Variants in PDE4D observed in about 807,000 individuals in gnomAD.
PDE4D encodes 3',5'-cyclic-AMP phosphodiesterase 4D.
Under a neutral mutation model 87.4 loss-of-function variants are expected in PDE4D, and 24 were observed. The ratio of observed to expected loss-of-function variants is 0.27; its 90% CI spans 0.20 to 0.39. The LOEUF (loss-of-function observed/expected upper bound fraction) is 0.39, where lower values mean the gene tolerates loss of function less well. Among genes scored for constraint, PDE4D ranks in the 10% least tolerant of loss-of-function variants. The pLI is 1.00. For missense variants in PDE4D, 714 were observed against 1,041.0 expected, an observed-to-expected ratio of 0.69 and a Z score of 4.32; for synonymous variants, 384 against 383.2, an observed-to-expected ratio of 1.00 and a Z score of -0.02.
chr5:59,406,972 C>G (rs1971061), intron 1 of PDE4D, among the ~76,000 whole-genome samples: 26,131 of 152,042 alleles, frequency 0.17, 3,043 homozygotes, highest in African/African-American at 0.32. Flanking sequence ...ACTTGGCTAT[C>G]TATTCATATT....
chr5:60,258,466 T>A (rs1159666942), intron 1 of PDE4D, among the ~76,000 whole-genome samples: 1 of 151,862 alleles, frequency 6.6e-6, no homozygotes. Flanking sequence ...GTAAAAAAAA[T>A]GTTCTTTGCT....
intron 2 of PDE4D, among the ~76,000 whole-genome samples, chr5:60,033,343 C>A (rs531635032): frequency 6.6e-6 from 1 of 151,968 alleles, no homozygotes; most frequent in African/African-American, 2.4e-5. Context: ...AAGTTTTGCA[C>A]GAGGATTTTC....
chr5:59,224,653 ATGAGGT>A (rs1753343331), intron 1 of PDE4D, among the ~76,000 whole-genome samples: 1 of 152,186 alleles, frequency 6.6e-6, no homozygotes, highest in African/African-American at 2.4e-5. Flanking sequence ...CAATGGTTAC[ATGAGGT>A]TGAGGTTGAG....
At chr5:59,277,286 C>CG (rs1765003340) in intron 1 of PDE4D, among the ~76,000 whole-genome samples, 1 of 152,144 alleles carries the variant, frequency 6.6e-6, no homozygotes, top group African/African-American at 2.4e-5. Context: ...AGGCCTCTTA[C>CG]GGTAAATGCC....
intron 2 of PDE4D, among the ~76,000 whole-genome samples, chr5:60,092,177 A>ACGT (rs1775212667): frequency 6.6e-6 from 1 of 152,090 alleles, no homozygotes. Context: ...AGAGTATATT[A>ACGT]CGTTAAGCGA....
rs189374782 is a variant in PDE4D at position 60,105,417 on chromosome 5, A to G, written c.42+80140T>C. On this transcript the variant is annotated intron_variant, in intron 2 of 16. Coordinates refer to the PDE4D transcript ENST00000502484. ...TACCTCAAAGTGATGGGGAGAATGG[A>G]ACCAAGTTGGAAAACACTCTGCAGG... is the stretch of plus-strand genomic sequence containing the variant. Among the ~76,000 whole-genome samples the G allele has an allele frequency of 6.3e-4, 96 of 152,354 alleles. 2 individuals carry two copies. The East Asian group carries it at 0.014, about 22-fold the overall frequency.
intron 3 of PDE4D, among the ~76,000 whole-genome samples, chr5:59,900,248 ATAT>A (rs769573600): frequency 4.0e-4 from 53 of 133,770 alleles, no homozygotes; most frequent in African/African-American, 1.2e-3. Flanking sequence ...TCAAAAAAAA[ATAT>A]ATATATATAT....
intron 1 of PDE4D, among the ~76,000 whole-genome samples, chr5:60,388,106 C>T (rs947681520): frequency 3.3e-5 from 5 of 152,098 alleles, no homozygotes; most frequent in Admixed American, 6.6e-5. Flanking sequence ...TGAGCTTCTG[C>T]GTCCTCCGTA....
chr5:58,971,245 T>C lies in PDE4D; in HGVS notation c.*3419A>G, dbSNP rs1265815935. ...CTGCAGCTATGTTTTTTTAAATTTA[T>C]ATATCTTTAAGTATTTTATAGTTTT... On this transcript the variant is annotated 3_prime_UTR_variant, in exon 15 of 15. Transcript: ENST00000340635. 1 of 152,502 alleles carries C rather than the reference T, an allele frequency of 6.6e-6. No individual in the cohort carries two copies. Among genetic ancestry groups the C allele is most frequent in the Non-Finnish European group, 1.5e-5 (1 of 68,044 alleles). The allele number at this position is 152,502 out of a possible 1,614,324, so 9.4% of individuals were successfully genotyped here. A position where few individuals can be genotyped will look rare whatever the true frequency, so the allele number is the denominator to read the frequency against.
chr5:58,988,947 T>C (rs1474299855), intron 10 of PDE4D, among the ~76,000 whole-genome samples: 1 of 152,168 alleles, frequency 6.6e-6, no homozygotes, highest in Non-Finnish European at 1.5e-5. Flanking sequence ...TAGTAAGACA[T>C]TAGCAATTAT....
At chr5:59,243,974 G>A (rs1402706098) in intron 1 of PDE4D, among the ~76,000 whole-genome samples, 1 of 151,982 alleles carries the variant, frequency 6.6e-6, no homozygotes, top group Non-Finnish European at 1.5e-5. Context: ...AATTTAAAAT[G>A]CCCAACAATG....
At chr5:59,603,909 G>A (rs1171361309) in intron 1 of PDE4D, among the ~76,000 whole-genome samples, 1 of 151,890 alleles carries the variant, frequency 6.6e-6, no homozygotes, top group East Asian at 1.9e-4. Context: ...GATATTAAGT[G>A]TTTTCATCAC....
intron 2 of PDE4D, among the ~76,000 whole-genome samples, chr5:60,172,986 A>G (rs970258907): frequency 1.4e-4 from 21 of 152,200 alleles, no homozygotes; most frequent in Non-Finnish European, 2.9e-4. Flanking sequence ...TAAACAAAAA[A>G]TCCACTTTCT....
chr5:60,266,275 G>A (rs1418378888), intron 1 of PDE4D, among the ~76,000 whole-genome samples: 3 of 152,290 alleles, frequency 2.0e-5, no homozygotes, highest in South Asian at 4.1e-4. Context: ...CTTCCCCACA[G>A]CAGGATATTG....
At chr5:60,459,918 A>T in intron 1 of PDE4D, 1 of 696,246 alleles carries the variant, frequency 1.4e-6, no homozygotes, top group South Asian at 1.6e-5. Context: ...CTTCATCTTC[A>T]TTGTCTTCTT....
upstream of PDE4D, among the ~76,000 whole-genome samples, chr5:59,895,690 A>G (rs543278285): frequency 6.6e-6 from 1 of 152,300 alleles, no homozygotes; most frequent in African/African-American, 2.4e-5. Context: ...GAAGTACACA[A>G]ATTTCTTCTT....
intron 1 of PDE4D, among the ~76,000 whole-genome samples, chr5:59,522,807 G>A (rs17797601): frequency 0.2 from 29,835 of 152,000 alleles, 3,386 homozygotes; most frequent in Non-Finnish European, 0.26. Context: ...GGAAAATTTC[G>A]GTTCACTTGA....
At chr5:59,609,127 A>T (rs1361812371) in intron 1 of PDE4D, among the ~76,000 whole-genome samples, 1 of 152,152 alleles carries the variant, frequency 6.6e-6, no homozygotes. Context: ...ATGATTGAAG[A>T]TCATATGTAG....
rs35151567 is a variant in PDE4D at position 59,545,349 on chromosome 5, T to TAA, written c.456-329383_456-329382dup. Reference sequence around the variant, plus strand: ...ATGTCTGATTCCAAGACCACTCACGTAAAAAAAAAAATGTTGCAGTTTATC... The same window carrying TAA: ...ATGTCTGATTCCAAGACCACTCACGTAAAAAAAAAAAAATGTTGCAGTTTATC... On this transcript the variant is annotated intron_variant, in intron 1 of 14. Coordinates refer to ENST00000340635, the MANE Select transcript of PDE4D (RefSeq NM_001104631.2). Among the ~76,000 whole-genome samples the TAA allele has an allele frequency of 9.9e-3, 1,461 of 147,318 alleles. 16 individuals are homozygous for TAA. Among genetic ancestry groups the TAA allele is most frequent in the Middle Eastern group, 0.017 (5 of 288 alleles).
Sources: allele counts gnomAD v4.1 joint callset (sites outside exome capture counted in the v4.1 genomes callset), GRCh38; gene constraint gnomAD v4.1.1; transcripts MANE v1.5; gene names NCBI Gene and HGNC (gene_info 2026-07-23, HGNC 2026-07-21).